The following CDC73 variants were observed in gnomAD, a reference collection of about 807,000 sequenced individuals.
CDC73 encodes the protein parafibromin.
A neutral mutation model predicts 83.7 loss-of-function variants in CDC73; 21 were observed. The observed-to-expected ratio is 0.25, with a 90% CI of 0.18 to 0.36. The LOEUF (loss-of-function observed/expected upper bound fraction) is 0.36, where lower values mean the gene tolerates loss of function less well. CDC73 is among the 10% of genes least tolerant of loss of function. CDC73 has a pLI of 1.00. For missense variants in CDC73, 342 were observed against 653.3 expected, an observed-to-expected ratio of 0.52 and a Z score of 5.19; for synonymous variants, 224 against 212.9, an observed-to-expected ratio of 1.05 and a Z score of -0.45.
chr1:193,195,820 C>G (rs570961667), intron 10 of CDC73, among the ~76,000 whole-genome samples: 1 of 152,234 alleles, frequency 6.6e-6, no homozygotes, highest in African/African-American at 2.4e-5. Flanking sequence ...AATACCTATT[C>G]AAATCCTTTG....
chr1:193,239,110 C>T lies in CDC73; in HGVS notation c.1417+2754C>T, dbSNP rs190179111. 2.0e-5 allele frequency among the ~76,000 whole-genome samples: 3 copies of T among 152,280 alleles called. No individual in the cohort carries two copies. The East Asian group carries it at 5.8e-4, about 29-fold the overall frequency. ...TAGCTCAATATTCTGGACCTATATACCTCACTCACTATGAGATAACTTCTC... is the reference window on the plus strand; with the variant it reads ...TAGCTCAATATTCTGGACCTATATATCTCACTCACTATGAGATAACTTCTC... On this transcript the variant is annotated intron_variant, in intron 15 of 16. Transcript: ENST00000367435.
In CDC73 at chr1:193,151,311, A is replaced by C. The variant is rs572197628; in HGVS notation, c.907+929A>C. On this transcript the variant is annotated intron_variant, in intron 9 of 16. Transcript: ENST00000367435. ...CTTCATTCAGTTGTTAAAGGCATGC[A>C]CTGGATATGTGCCATAGAAAGACTA... Among the ~76,000 whole-genome samples the C allele has an allele frequency of 2.4e-4, 36 of 152,340 alleles. No homozygotes were observed. The South Asian group carries it at 7.5e-3, about 32-fold the overall frequency.
Position 193,130,254 on chromosome 1 carries a change from T to C in CDC73, c.307+11T>C, listed in dbSNP as rs1176191902. 2 of 1,475,904 alleles carry C rather than the reference T, an allele frequency of 1.4e-6. No homozygotes were observed. Among genetic ancestry groups the C allele is most frequent in the African/African-American group, 1.4e-5 (1 of 72,074 alleles). 91.4% of individuals were successfully genotyped at this position (1,475,904 alleles called of 1,614,324 possible). ...TCAATGGTGAAGCGTGTGAGTACTT[T>C]TTAAATTGTTCCCAGTCTTAAACAG... On this transcript the variant is annotated intron_variant, in intron 3 of 16. Transcript: ENST00000367435.
At chr1:193,235,395 A>G (rs936472350) in intron 14 of CDC73, among the ~76,000 whole-genome samples, 4 of 152,320 alleles carry the variant, frequency 2.6e-5, no homozygotes, top group African/African-American at 9.6e-5. Context: ...TGTTAACATC[A>G]TAAGTAACGC....
chr1:193,195,371 G>GTA (rs1375893553), intron 10 of CDC73, among the ~76,000 whole-genome samples: 5 of 151,894 alleles, frequency 3.3e-5, no homozygotes, highest in African/African-American at 1.2e-4. Flanking sequence ...ATCCCATTGT[G>GTA]TATATATATA....
chr1:193,145,870 A>G (rs1675991575), intron 7 of CDC73, among the ~76,000 whole-genome samples: 1 of 152,240 alleles, frequency 6.6e-6, no homozygotes, highest in Non-Finnish European at 1.5e-5. Context: ...AGTGCTAAAC[A>G]CTGACCAGAG....
intron 1 of CDC73, among the ~76,000 whole-genome samples, chr1:193,124,671 A>T (rs984892950): frequency 1.1e-4 from 17 of 152,234 alleles, no homozygotes; most frequent in Admixed American, 9.8e-4. Context: ...TGTTTACTGT[A>T]AGAATGTGAA....
At chr1:193,126,803 T>C (rs998697842) in intron 2 of CDC73, among the ~76,000 whole-genome samples, 3 of 152,190 alleles carry the variant, frequency 2.0e-5, no homozygotes, top group African/African-American at 7.2e-5. Context: ...TTTTTTAAAA[T>C]ATCACTGTGT....
intron 7 of CDC73, among the ~76,000 whole-genome samples, chr1:193,142,822 G>A (rs933507468): frequency 6.6e-6 from 1 of 152,132 alleles, no homozygotes; most frequent in African/African-American, 2.4e-5. Flanking sequence ...TATTTTGAAA[G>A]ATAAAAATCT....
intron 2 of CDC73, among the ~76,000 whole-genome samples, chr1:193,128,323 T>TGG (rs1436152890): frequency 1.1e-4 from 17 of 152,148 alleles, no homozygotes; most frequent in Admixed American, 5.2e-4. Flanking sequence ...AGACAGAGTC[T>TGG]TGCTCTGTCA....
intron 10 of CDC73, among the ~76,000 whole-genome samples, chr1:193,170,384 A>G (rs1214633595): frequency 2.0e-5 from 3 of 152,186 alleles, no homozygotes; most frequent in African/African-American, 7.2e-5. Context: ...TTCTTTCACA[A>G]TAGTTGAATT....
chr1:193,138,557 G>A (rs7514072), intron 6 of CDC73, among the ~76,000 whole-genome samples: 92,865 of 151,866 alleles, frequency 0.61, 29,062 homozygotes, highest in South Asian at 0.77. Context: ...TTTGTGGTGT[G>A]GGGAAAGCAG....
At chr1:193,231,089 CTTTTTATTAGT>C in intron 13 of CDC73, among the ~76,000 whole-genome samples, 1 of 152,168 alleles carries the variant, frequency 6.6e-6, no homozygotes, top group East Asian at 1.9e-4. Flanking sequence ...GTATAATAGA[CTTTTTATTAGT>C]TTGGTATTGT....
chr1:193,209,952 G>A (rs1416616335), intron 11 of CDC73, among the ~76,000 whole-genome samples: 1 of 151,468 alleles, frequency 6.6e-6, no homozygotes. Flanking sequence ...CCTGTTTCCT[G>A]TTTATCCATC....
intron 11 of CDC73, among the ~76,000 whole-genome samples, chr1:193,208,399 G>A (rs1677224252): frequency 6.6e-6 from 1 of 152,124 alleles, no homozygotes; most frequent in Admixed American, 6.6e-5. Flanking sequence ...TAGTGTCATA[G>A]CATCTGAGTA....
chr1:193,183,372 A>T (rs1676752001), intron 10 of CDC73, among the ~76,000 whole-genome samples: 1 of 150,074 alleles, frequency 6.7e-6, no homozygotes, highest in Non-Finnish European at 1.5e-5. Context: ...GCATTTTGAA[A>T]GATGTGAACA....
intron 10 of CDC73, among the ~76,000 whole-genome samples, chr1:193,187,242 C>A (rs1298883999): frequency 2.0e-5 from 3 of 151,910 alleles, no homozygotes; most frequent in Non-Finnish European, 4.4e-5. Flanking sequence ...TATTTTAAAT[C>A]ACTTTTTAAT....
rs930100660 is a variant in CDC73 at position 193,253,751 on chromosome 1, C to T, written c.*3039C>T. 2 of 230,906 alleles carry T rather than the reference C, an allele frequency of 8.7e-6. No individual in the cohort carries two copies. The highest frequency in any genetic ancestry group is 1.7e-5 in the Non-Finnish European group (2 of 116,750). 14.3% of individuals were successfully genotyped at this position (230,906 alleles called of 1,614,324 possible). On this transcript the variant is annotated 3_prime_UTR_variant, in exon 17 of 17. Transcript: ENST00000367435. ...TCTGCCATGTAGAATGAGACAAATA[C>T]AGTTTGCTTATGAAAGGAAAGTGGC...
chr1:193,186,682 T>C (rs1306538890), intron 10 of CDC73: 2 of 152,124 alleles, frequency 1.3e-5, no homozygotes, highest in Non-Finnish European at 2.9e-5. Context: ...CCCACGTGAT[T>C]GTTTGCATTC....
Sources: allele counts gnomAD v4.1 joint callset (sites outside exome capture counted in the v4.1 genomes callset), GRCh38; gene constraint gnomAD v4.1.1; transcripts MANE v1.5; gene names NCBI Gene and HGNC (gene_info 2026-07-23, HGNC 2026-07-21).